Variants in ARL14EP observed in about 807,000 individuals in gnomAD.
ARL14EP encodes ARF like GTPase 14 effector protein, also known as ARL14 effector protein.
ARL14EP carries 12 observed loss-of-function variants against 23.1 expected under a neutral mutation model. The observed-to-expected ratio is 0.52, with a 90% CI of 0.33 to 0.84. ARL14EP has a LOEUF of 0.84. Among genes scored for constraint, ARL14EP ranks in the 40% least tolerant of loss-of-function variants. The probability of loss-of-function intolerance (pLI) is 0.02; values close to 1 mark genes in which losing one functional copy is unlikely to be tolerated. For missense variants in ARL14EP, 253 were observed against 307.3 expected (o/e 0.82, Z 1.32); for synonymous variants, 97 against 102.0 (o/e 0.95, Z 0.29).
chr11:30,325,450 T>C (rs1231607374), intron 1 of ARL14EP, among the ~76,000 whole-genome samples: 3 of 152,168 alleles, frequency 2.0e-5, no homozygotes, highest in African/African-American at 7.2e-5. Context: ...AAATTATAGC[T>C]AATAAGGAGC....
chr11:30,332,942 G>T lies in ARL14EP; in HGVS notation c.503G>T (p.Gly168Val), dbSNP rs779692150. 2.5e-6 allele frequency: 4 copies of T among 1,613,468 alleles called. No homozygotes were observed. The Admixed American group carries it at 6.7e-5, about 27-fold the overall frequency. Residue 168 changes from glycine (G) to valine (V), a missense_variant, in exon 3 of 4, where the codon GGT becomes GTT. Coordinates refer to ENST00000282032, the MANE Select transcript of ARL14EP (RefSeq NM_152316.3). Reference sequence around the variant, plus strand: ...CAAACTGAATTTGCTCCAGAAACTGGTAAAAGAGAAAAAAGAAGGCTTACA... The same window carrying T: ...CAAACTGAATTTGCTCCAGAAACTGTTAAAAGAGAAAAAAGAAGGCTTACA... ...GRQTEFAPET[G>V]KREKRRLTKN...
intron 1 of ARL14EP, chr11:30,330,027 T>G (rs1947269931): frequency 6.6e-6 from 1 of 152,110 alleles, no homozygotes; most frequent in South Asian, 2.1e-4. Flanking sequence ...CTTTTCATGT[T>G]TAAATCTTTA....
rs1947338017 is a variant in ARL14EP at position 30,336,972 on chromosome 11, T to A, written c.*177T>A. 1 of 652,248 alleles carries A rather than the reference T, an allele frequency of 1.5e-6. No individual in the cohort carries two copies. 40.4% of individuals were successfully genotyped at this position (652,248 alleles called of 1,614,324 possible). On this transcript the variant is annotated 3_prime_UTR_variant, in exon 4 of 4. Transcript: ENST00000282032. ...CTATTTGATATAAATTCAGATAGGC[T>A]ATTTTTCAGTAGTCAGCGTTAAGCC...
At chr11:30,334,552 A>G (rs1200498198) in intron 3 of ARL14EP, among the ~76,000 whole-genome samples, 2 of 152,136 alleles carry the variant, frequency 1.3e-5, no homozygotes, top group Non-Finnish European at 1.5e-5. Flanking sequence ...GCCGTCTTTC[A>G]TAGCTAGAGA....
intron 3 of ARL14EP, among the ~76,000 whole-genome samples, chr11:30,334,507 C>G (rs1181072295): frequency 6.6e-6 from 1 of 152,084 alleles, no homozygotes; most frequent in Non-Finnish European, 1.5e-5. Flanking sequence ...AGCCACCACG[C>G]CCAGCCAACA....
At chr11:30,327,273 A>G (rs186881607) in intron 1 of ARL14EP, among the ~76,000 whole-genome samples, 53 of 152,262 alleles carry the variant, frequency 3.5e-4, no homozygotes, top group African/African-American at 1.1e-3. Flanking sequence ...ACTCTGTTGA[A>G]TTTTGTAGTA....
Position 30,327,684 on chromosome 11 carries a change from C to A in ARL14EP, c.-63-3202C>A, listed in dbSNP as rs1446384474. Among the ~76,000 whole-genome samples, 3 of 151,564 alleles carry A rather than the reference C, an allele frequency of 2.0e-5. No homozygotes were observed. In the East Asian group the frequency reaches 5.8e-4, roughly 30 times the overall value. The stretch of plus-strand genomic sequence containing the variant: ...TTGTATTAAGAAAGGTCAGGCCAGG[C>A]ACGGTGGCTCATGCCTGTAATCCCA... On this transcript the variant is annotated intron_variant, in intron 1 of 3. Coordinates refer to ENST00000282032, the MANE Select transcript of ARL14EP (RefSeq NM_152316.3).
intron 1 of ARL14EP, chr11:30,328,992 A>G (rs962430600): frequency 5.3e-5 from 8 of 152,118 alleles, no homozygotes; most frequent in African/African-American, 1.7e-4. Context: ...TATTTATGAA[A>G]AATTTCAAAT....
In ARL14EP at chr11:30,325,346, A is replaced by C. The variant is rs373358000; in HGVS notation, c.-64+2144A>C. Among the ~76,000 whole-genome samples, 53 of 152,320 alleles carry C rather than the reference A, an allele frequency of 3.5e-4. No homozygotes were observed. In the South Asian group the frequency reaches 9.5e-3, roughly 27 times the overall value. On this transcript the variant is annotated intron_variant, in intron 1 of 3. Transcript: ENST00000282032. ...TCATAAATTCATAGTTGAAGCAAAAAATGAGAATTTGGAGGGTCTTTCTTT... is the reference window on the plus strand; with the variant it reads ...TCATAAATTCATAGTTGAAGCAAAACATGAGAATTTGGAGGGTCTTTCTTT...
chr11:30,328,548 C>G (rs142854519), intron 1 of ARL14EP: 23 of 152,274 alleles, frequency 1.5e-4, no homozygotes, highest in African/African-American at 3.9e-4. Context: ...TATAAATATA[C>G]TCTGTTTTTA....
At chr11:30,326,032 CTCTG>C (rs1947232668) in intron 1 of ARL14EP, among the ~76,000 whole-genome samples, 1 of 152,184 alleles carries the variant, frequency 6.6e-6, no homozygotes, top group Non-Finnish European at 1.5e-5. Flanking sequence ...AGATGTTTTT[CTCTG>C]TCCTTAGTGT....
intron 2 of ARL14EP, chr11:30,331,581 G>A (rs1947284068): frequency 2.1e-6 from 3 of 1,414,016 alleles, no homozygotes; most frequent in African/African-American, 2.9e-5. Flanking sequence ...GCCTGGGAAA[G>A]TAATAATAAA....
Position 30,334,238 on chromosome 11 carries a change from TGGAGTC to T in ARL14EP, c.554+1246_554+1251del, listed in dbSNP as rs1947313245. On this transcript the variant is annotated intron_variant, in intron 3 of 3. Coordinates refer to ENST00000282032, the MANE Select transcript of ARL14EP (RefSeq NM_152316.3). The stretch of plus-strand genomic sequence containing the variant: ...TTTTTTTTTTTTTTTTTTTTTGAGA[TGGAGTC>T]TTGCTCTGTCACCCAGCCTGAGGTG... Among the ~76,000 whole-genome samples, 5 of 138,128 alleles carry T rather than the reference TGGAGTC, an allele frequency of 3.6e-5. No individual in the cohort carries two copies. The Admixed American group carries it at 3.8e-4, about 11-fold the overall frequency. 90.6% of individuals were successfully genotyped at this position (138,128 alleles called of 152,430 possible).
intron 1 of ARL14EP, among the ~76,000 whole-genome samples, chr11:30,326,113 A>G (rs564938115): frequency 1.3e-5 from 2 of 152,338 alleles, no homozygotes; most frequent in African/African-American, 4.8e-5. Flanking sequence ...AGGCAAATAC[A>G]TATCTGTGTT....
chr11:30,330,935 T>C lies in ARL14EP; in HGVS notation c.-14T>C, dbSNP rs1947277116. The C allele has an allele frequency of 4.3e-6, 7 of 1,613,216 alleles. 1 individual carries two copies. Among genetic ancestry groups the C allele is most frequent in the Admixed American group, 3.3e-5 (2 of 59,986 alleles). On this transcript the variant is annotated 5_prime_UTR_variant, in exon 2 of 4. Transcript: ENST00000282032. ...TCCAGACAAAATAAAACGGAAAATT[T>C]GCTAGAATCAAGAATGATGGATCCA...
intron 2 of ARL14EP, chr11:30,331,813 A>G: frequency 1.0e-6 from 1 of 990,536 alleles, no homozygotes; most frequent in Non-Finnish European, 1.2e-6. Context: ...GACTTACAGT[A>G]ATTGTTTTTT....
At chr11:30,324,276 A>G (rs925880489) in intron 1 of ARL14EP, among the ~76,000 whole-genome samples, 1 of 152,206 alleles carries the variant, frequency 6.6e-6, no homozygotes, top group Non-Finnish European at 1.5e-5. Context: ...ACATTTCATG[A>G]AAACTTTTTT....
intron 1 of ARL14EP, among the ~76,000 whole-genome samples, chr11:30,327,698 C>G (rs1044058293): frequency 6.6e-6 from 1 of 151,772 alleles, no homozygotes; most frequent in Non-Finnish European, 1.5e-5. Context: ...GTGGCTCATG[C>G]CTGTAATCCC....
rs751303562 is a variant in ARL14EP, at chr11:30,336,808, A to G, written c.*13A>G. 5 of 1,599,500 alleles carry G rather than the reference A, an allele frequency of 3.1e-6. No individual in the cohort carries two copies. The highest frequency in any genetic ancestry group is 4.3e-6 in the Non-Finnish European group (5 of 1,166,762). On this transcript the variant is annotated 3_prime_UTR_variant, in exon 4 of 4. Transcript: ENST00000282032. Reference sequence around the variant, plus strand: ...ACATGCTGGATAATCTGCGGTACCAAACTATGGAGCCTTTAAAGGTCTTTA... The same window carrying G: ...ACATGCTGGATAATCTGCGGTACCAGACTATGGAGCCTTTAAAGGTCTTTA...
Sources: gnomAD v4.1 joint callset for allele counts (sites outside exome capture counted in the v4.1 genomes callset) on GRCh38, gnomAD v4.1.1 for gene constraint, MANE v1.5 for transcripts, NCBI Gene and HGNC (gene_info 2026-07-23, HGNC 2026-07-21) for gene names.